The following DOHH variants were observed in gnomAD, a reference collection of about 807,000 sequenced individuals.
DOHH encodes the protein HEAT-like (PBS lyase) repeat containing 1.
DOHH carries 16 observed loss-of-function variants against 19.9 expected under a neutral mutation model. The observed-to-expected ratio is 0.80, with a 90% CI of 0.54 to 1.22. The LOEUF is 1.22. Among genes scored for constraint, DOHH ranks in the 50% most tolerant of loss-of-function variants. The pLI, the probability that DOHH is intolerant of heterozygous loss-of-function variation, is 0.00. For missense variants in DOHH, 460 were observed against 460.6 expected (o/e 1.00, Z 0.01); for synonymous variants, 233 against 217.0 (o/e 1.07, Z -0.65).
intron 3 of DOHH, among the ~76,000 whole-genome samples, chr19:3,493,612 A>C (rs573986208): frequency 8.7e-5 from 13 of 149,712 alleles, no homozygotes; most frequent in Non-Finnish European, 1.8e-4. Flanking sequence ...CACCGTCTCA[A>C]AAAAAAAAAA....
intron 1 of DOHH, among the ~76,000 whole-genome samples, chr19:3,500,092 A>AAG (rs1375980423): frequency 1.5e-5 from 2 of 130,122 alleles, no homozygotes; most frequent in Non-Finnish European, 3.1e-5. Flanking sequence ...CCAAGGGGAG[A>AAG]AGGGACCCCT....
chr19:3,492,434 C>T lies in DOHH; in HGVS notation c.417G>A (p.Pro139=), dbSNP rs1334086833. The change falls in exon 4 of 5, where the codon CCG becomes CCA. Residue 139 remains proline, a synonymous_variant. Transcript: ENST00000427575. ...CCACGGAGAGGTAGGGTCCCGCCGC[C>T]GGCTCCCCGCCGTGCTGCTGCAGCC... ...LEWLQQHGGE[P]AAGPYLSVDP... The T allele has an allele frequency of 6.1e-6, 9 of 1,486,946 alleles. No individual in the cohort carries two copies. The highest frequency in any genetic ancestry group is 5.2e-5 in the East Asian group (2 of 38,366). 92.1% of individuals were successfully genotyped at this position (1,486,946 alleles called of 1,614,324 possible).
intron 3 of DOHH, 101 bp downstream of exon 3, chr19:3,493,927 G>T: frequency 9.0e-7 from 1 of 1,114,720 alleles, no homozygotes; most frequent in Non-Finnish European, 1.3e-6. Flanking sequence ...AACCAGAGAT[G>T]GGGAGGGTCT....
intron 2 of DOHH, among the ~76,000 whole-genome samples, chr19:3,494,498 C>A (rs1334250957): frequency 6.6e-6 from 1 of 152,164 alleles, no homozygotes; most frequent in African/African-American, 2.4e-5. Context: ...CAGAGTGAGA[C>A]CCTGTCTCAA....
rs1034864147 is a variant in DOHH at position 3,496,104 on chromosome 19, C to T, written c.274+437G>A. Reference sequence around the variant, plus strand: ...ATGGCTCACTGCAACCTTGACTTCCCGGGCTCCAGCGATTCTCCCGCCTCA... The same window carrying T: ...ATGGCTCACTGCAACCTTGACTTCCTGGGCTCCAGCGATTCTCCCGCCTCA... On this transcript the variant is annotated intron_variant, in intron 2 of 4. Coordinates refer to ENST00000427575, the MANE Select transcript of DOHH (RefSeq NM_001145165.2). This position sits in a 1 kb window ranked among gnomAD's most constrained non-coding sequence, Gnocchi z 4.8. Among the ~76,000 whole-genome samples the T allele has an allele frequency of 2.6e-5, 4 of 152,194 alleles. No individual in the cohort carries two copies. Among genetic ancestry groups the T allele is most frequent in the Middle Eastern group, 3.4e-3 (1 of 292 alleles).
At position 3,494,120 on chromosome 19, in the gene DOHH, C is replaced by G. The variant is rs997156017; in HGVS notation, c.275-16G>C. 6.2e-7 allele frequency: 1 copy of G among 1,610,880 alleles called. No homozygotes were observed. Among genetic ancestry groups the G allele is most frequent in the Non-Finnish European group, 8.5e-7 (1 of 1,177,692 alleles). On this transcript the variant is annotated splice_polypyrimidine_tract_variant and intron_variant, in intron 2 of 4. Coordinates refer to ENST00000427575, the MANE Select transcript of DOHH (RefSeq NM_001145165.2). Reference sequence around the variant, plus strand: ...AGGGCCTCCCCTGGGAAGAAGCAGCCGGAGAGCTCATGTTGGTGGGGTGGA... The same window carrying G: ...AGGGCCTCCCCTGGGAAGAAGCAGCGGGAGAGCTCATGTTGGTGGGGTGGA...
intron 3 of DOHH, among the ~76,000 whole-genome samples, 182 bp downstream of exon 3, chr19:3,493,846 A>G (rs2082888454): frequency 6.6e-6 from 1 of 152,144 alleles, no homozygotes; most frequent in African/African-American, 2.4e-5. Flanking sequence ...GGGCGCAGCA[A>G]GTGTCTGTCC....
At chr19:3,500,517 G>A (rs532816050) in intron 1 of DOHH, 44 bp downstream of exon 1, 1 of 152,376 alleles carries the variant, frequency 6.6e-6, no homozygotes, top group South Asian at 2.1e-4. Flanking sequence ...CCGCCCGCCA[G>A]ACCCGGGCCC....
At chr19:3,499,865 C>T (rs535324349) in intron 1 of DOHH, among the ~76,000 whole-genome samples, 21 of 152,268 alleles carry the variant, frequency 1.4e-4, no homozygotes, top group African/African-American at 5.1e-4. Flanking sequence ...ATGCTCTTTA[C>T]ATTCATTAAT....
intron 1 of DOHH, 112 bp downstream of exon 1, chr19:3,500,449 C>G (rs1030563621): frequency 2.0e-5 from 3 of 152,278 alleles, no homozygotes; most frequent in African/African-American, 7.2e-5. Context: ...TAACCCGCCC[C>G]ATCCACAGTC....
chr19:3,493,323 T>G (rs1167512922), intron 3 of DOHH, among the ~76,000 whole-genome samples: 2 of 151,494 alleles, frequency 1.3e-5, no homozygotes, highest in Non-Finnish European at 2.9e-5. Flanking sequence ...ATTTGTTTCA[T>G]TTTTGGGCCA....
rs1443947348 is a variant in DOHH at position 3,492,407 on chromosome 19, G to A, written c.444C>T (p.Asp148=). The A allele has an allele frequency of 1.3e-6, 2 of 1,523,438 alleles. No individual in the cohort carries two copies. The highest frequency in any genetic ancestry group is 1.8e-6 in the Non-Finnish European group (2 of 1,142,266). The allele number at this position is 1,523,438 out of a possible 1,614,324, so 94.4% of individuals were successfully genotyped here. A position where few individuals can be genotyped will look rare whatever the true frequency, so the allele number is the denominator to read the frequency against. Reference sequence around the variant, plus strand: ...CACGCTCCTCAGCCGGCGGGGCAGGGTCCACGGAGAGGTAGGGTCCCGCCG... The same window carrying A: ...CACGCTCCTCAGCCGGCGGGGCAGGATCCACGGAGAGGTAGGGTCCCGCCG... The part of the protein sequence containing the change: ...EPAAGPYLSV[D]PAPPAEERDV... Residue 148 remains aspartate (D), a synonymous_variant, in exon 4 of 5, where the codon GAC becomes GAT. Coordinates refer to ENST00000427575, the MANE Select transcript of DOHH (RefSeq NM_001145165.2).
chr19:3,492,568 G>A (rs2082879419), intron 3 of DOHH, 69 bp from the exon 4 acceptor site: 3 of 1,236,456 alleles, frequency 2.4e-6, no homozygotes, highest in African/African-American at 3.2e-5. Context: ...CCACCCCCCG[G>A]GATGGCAGCT....
intron 1 of DOHH, among the ~76,000 whole-genome samples, chr19:3,499,665 G>C (rs1257806841): frequency 6.6e-6 from 1 of 152,128 alleles, no homozygotes; most frequent in Admixed American, 6.6e-5. Context: ...CCAGCTACTC[G>C]GGAGGCTGAG....
chr19:3,492,988 C>A (rs1411393119), intron 3 of DOHH, among the ~76,000 whole-genome samples: 1 of 152,098 alleles, frequency 6.6e-6, no homozygotes, highest in Non-Finnish European at 1.5e-5. Flanking sequence ...GGAGGAGAGA[C>A]TGAGGGTCGG....
In DOHH at chr19:3,492,368, C is replaced by T. The variant is rs2082876371; in HGVS notation, c.483G>A (p.Leu161=). Residue 161 remains leucine (L), a synonymous_variant, in exon 4 of 5, where the codon CTG becomes CTA. Coordinates refer to ENST00000427575, the MANE Select transcript of DOHH (RefSeq NM_001145165.2). ...PPAEERDVGR[L]REALLDESRP... is the part of the protein sequence containing the mutation. ...GGGACTCATCCAGCAGCGCCTCCCG[C>T]AGGCGCCCCACGTCACGCTCCTCAG... 1.3e-6 allele frequency: 2 copies of T among 1,540,966 alleles called. No homozygotes were observed. Among genetic ancestry groups the T allele is most frequent in the Middle Eastern group, 1.8e-4 (1 of 5,648 alleles).
At chr19:3,498,437 G>A (rs1024242196) in intron 1 of DOHH, among the ~76,000 whole-genome samples, 6 of 151,378 alleles carry the variant, frequency 4.0e-5, no homozygotes, top group South Asian at 2.1e-4. Flanking sequence ...ACAGAGTTTC[G>A]CTCTTTTGCC....
At chr19:3,500,048 G>A (rs796276561) in intron 1 of DOHH, among the ~76,000 whole-genome samples, 20 of 152,258 alleles carry the variant, frequency 1.3e-4, no homozygotes, top group African/African-American at 4.6e-4. Flanking sequence ...AACCACCAAC[G>A]CTTTGTTGAA....
chr19:3,498,397 A>G (rs1195273635), intron 1 of DOHH, among the ~76,000 whole-genome samples: 2 of 152,060 alleles, frequency 1.3e-5, no homozygotes, highest in Non-Finnish European at 2.9e-5. Flanking sequence ...AGGCATGACA[A>G]GATAATGAAG....
Sources: allele counts gnomAD v4.1 joint callset (sites outside exome capture counted in the v4.1 genomes callset), GRCh38; gene constraint gnomAD v4.1.1; non-coding constraint Gnocchi (gnomAD v3.1); transcripts MANE v1.5; gene names NCBI Gene and HGNC (gene_info 2026-07-23, HGNC 2026-07-21).